The following XPNPEP1 variants were observed in gnomAD, a reference collection of about 807,000 sequenced individuals.
XPNPEP1 encodes the protein xaa-Pro aminopeptidase 1.
Under a neutral mutation model 92.4 loss-of-function variants are expected in XPNPEP1, and 39 were observed. That is an observed-to-expected ratio of 0.42 (90% CI 0.33 to 0.55). The LOEUF (loss-of-function observed/expected upper bound fraction) is 0.55. Ranked by LOEUF, XPNPEP1 falls within the 20% of genes least tolerant of loss-of-function variation. XPNPEP1 has a pLI of 0.08. For synonymous variants in XPNPEP1, 307 were observed against 299.4 expected (o/e 1.03, Z -0.26); for missense variants, 654 against 856.1 (o/e 0.76, Z 2.95).
rs1230542685 is a variant in XPNPEP1, at chr10:109,882,429, A to C, written c.1041+3T>G. 3.1e-6 allele frequency: 5 copies of C among 1,608,036 alleles called. No individual in the cohort carries two copies. Among genetic ancestry groups the C allele is most frequent in the Non-Finnish European group, 4.3e-6 (5 of 1,175,152 alleles). ...TTAGATGGGCCAAAGTGGGGTCACC[A>C]ACCTTGGGGATGGTCTCGCTCACAG... On this transcript the variant is annotated splice_donor_region_variant and intron_variant, in intron 10 of 20. Coordinates refer to ENST00000502935, the MANE Select transcript of XPNPEP1 (RefSeq NM_020383.4).
intron 3 of XPNPEP1, among the ~76,000 whole-genome samples, chr10:109,906,461 C>T (rs777708839): frequency 3.5e-4 from 54 of 152,166 alleles, no homozygotes; most frequent in Non-Finnish European, 7.1e-4. Flanking sequence ...TTCTTGAGGG[C>T]CTGCTACATT....
At chr10:109,873,320 CT>C (rs1471174682) in intron 16 of XPNPEP1, 46 bp downstream of exon 16, 2 of 1,607,820 alleles carry the variant, frequency 1.2e-6, no homozygotes, top group African/African-American at 2.7e-5. Context: ...CAATGCTCTT[CT>C]TAAGAAAGCA....
chr10:109,878,046 C>A lies in XPNPEP1; in HGVS notation c.1195G>T (p.Gly399Cys). Residue 399 changes from glycine (G) to cysteine (C), a missense_variant, in exon 13 of 21, where the codon GGT becomes TGT. Gly to Cys is a radical substitution (Grantham distance 159). Coordinates refer to ENST00000502935, the MANE Select transcript of XPNPEP1 (RefSeq NM_020383.4). ...NWLEKEVPKG[G>C]VTEISAADKA... Reference sequence around the variant, plus strand: ...TCAGCAGCTGAGATCTCTGTCACACCACCTTTGGGAACCTATGAGAAAATT... The same window carrying A: ...TCAGCAGCTGAGATCTCTGTCACACAACCTTTGGGAACCTATGAGAAAATT... The A allele has an allele frequency of 6.2e-7, 1 of 1,614,238 alleles. No homozygotes were observed. The highest frequency in any genetic ancestry group is 8.5e-7 in the Non-Finnish European group (1 of 1,180,040).
chr10:109,918,051 C>T (rs1850285805), intron 1 of XPNPEP1, among the ~76,000 whole-genome samples: 1 of 151,744 alleles, frequency 6.6e-6, no homozygotes, highest in African/African-American at 2.4e-5. Flanking sequence ...GAGGTCAAGG[C>T]TGCAGTGAGC....
intron 5 of XPNPEP1, 120 bp downstream of exon 5, chr10:109,891,602 T>C (rs868129246): frequency 2.6e-6 from 2 of 783,636 alleles, no homozygotes; most frequent in East Asian, 5.9e-5. Context: ...CAGTTTTCCT[T>C]GGATTCTCAA....
At position 109,893,254 on chromosome 10, in the gene XPNPEP1, T is replaced by G. The variant is rs1181279606; in HGVS notation, c.247-179A>C. 3 of 540,680 alleles carry G rather than the reference T, an allele frequency of 5.5e-6. No individual in the cohort carries two copies. The African/African-American group carries it at 5.7e-5, about 10-fold the overall frequency. The allele number at this position is 540,680 out of a possible 1,614,324, so 33.5% of individuals were successfully genotyped here. On this transcript the variant is annotated intron_variant, in intron 3 of 20. Transcript: ENST00000502935. Reference sequence around the variant, plus strand: ...CAGATTAGCACACACTGCAGAAGATTGAATTAATTAAGGGCAGAGAGAGCT... The same window carrying G: ...CAGATTAGCACACACTGCAGAAGATGGAATTAATTAAGGGCAGAGAGAGCT...
intron 3 of XPNPEP1, among the ~76,000 whole-genome samples, chr10:109,900,488 C>A (rs1458046835): frequency 6.6e-6 from 1 of 152,120 alleles, no homozygotes; most frequent in Non-Finnish European, 1.5e-5. Flanking sequence ...AAACAAGGAA[C>A]CCATTTCCTT....
chr10:109,873,298 T>C, intron 16 of XPNPEP1, 69 bp downstream of exon 16: 1 of 1,586,342 alleles, frequency 6.3e-7, no homozygotes, highest in African/African-American at 1.3e-5. Context: ...ATACAATCCC[T>C]TTTCATAAAA....
intron 2 of XPNPEP1, among the ~76,000 whole-genome samples, chr10:109,913,729 A>G (rs1850014544): frequency 6.6e-6 from 1 of 152,236 alleles, no homozygotes; most frequent in Non-Finnish European, 1.5e-5. Context: ...ATAGAGCCTT[A>G]AAGTGTTCTA....
chr10:109,895,342 T>C (rs1202101171), intron 3 of XPNPEP1, among the ~76,000 whole-genome samples: 2 of 152,178 alleles, frequency 1.3e-5, no homozygotes. Flanking sequence ...GCCCCACCCC[T>C]TTCTGGGCAA....
chr10:109,923,480 T>C lies in XPNPEP1; in HGVS notation c.-47A>G, dbSNP rs1016371602. 8.1e-6 allele frequency: 11 copies of C among 1,359,472 alleles called. No individual in the cohort carries two copies. The highest frequency in any genetic ancestry group is 1.0e-5 in the Non-Finnish European group (11 of 1,049,210). 84.2% of individuals were successfully genotyped at this position (1,359,472 alleles called of 1,614,324 possible). On this transcript the variant is annotated 5_prime_UTR_variant, in exon 1 of 21. Coordinates refer to ENST00000502935, the MANE Select transcript of XPNPEP1 (RefSeq NM_020383.4). Reference sequence around the variant, plus strand: ...CCACGTCAGGGGAGCGCAGACCAGCTGATCACCCGCGGAAGGGCCGGCGCG... The same window carrying C: ...CCACGTCAGGGGAGCGCAGACCAGCCGATCACCCGCGGAAGGGCCGGCGCG...
intron 9 of XPNPEP1, chr10:109,883,846 C>A: frequency 2.1e-6 from 1 of 481,258 alleles, no homozygotes; most frequent in South Asian, 3.4e-5. Flanking sequence ...ACTATAGACA[C>A]TTTCATGCGT....
chr10:109,907,910 T>C, intron 2 of XPNPEP1, 95 bp from the exon 3 acceptor site: 2 of 1,537,316 alleles, frequency 1.3e-6, no homozygotes, highest in Non-Finnish European at 1.8e-6. Flanking sequence ...GCCTTCTACG[T>C]TCTGCCCCAC....
intron 3 of XPNPEP1, among the ~76,000 whole-genome samples, chr10:109,903,520 T>C (rs1203665796): frequency 1.3e-5 from 2 of 152,178 alleles, no homozygotes; most frequent in East Asian, 3.8e-4. Flanking sequence ...CTAGGGCAAC[T>C]GTCCAATGCT....
Position 109,868,265 on chromosome 10 carries a change from T to C in XPNPEP1, c.1872+349A>G, listed in dbSNP as rs1847247891. 2.0e-5 allele frequency among the ~76,000 whole-genome samples: 3 copies of C among 152,130 alleles called. No homozygotes were observed. In the South Asian group the frequency reaches 6.2e-4, roughly 32 times the overall value. On this transcript the variant is annotated intron_variant, in intron 20 of 20. Transcript: ENST00000502935. ...AGGCCCCACCATCCATCTGGCTTTT[T>C]GTAGGGACACACATAGGCTCATATT... is the stretch of plus-strand genomic sequence containing the variant.
rs116943469 is a variant in XPNPEP1 at position 109,918,472 on chromosome 10, C to T, written c.33-3373G>A. On this transcript the variant is annotated intron_variant, in intron 1 of 20. Transcript: ENST00000502935. ...ACTTCATATCATATTCAAAAATTAACACAAATGGGCCGGGCACGGTGGCTC... is the reference window on the plus strand; with the variant it reads ...ACTTCATATCATATTCAAAAATTAATACAAATGGGCCGGGCACGGTGGCTC... Among the ~76,000 whole-genome samples the T allele has an allele frequency of 1.3e-4, 20 of 151,556 alleles. No homozygotes were observed. The East Asian group carries it at 2.9e-3, about 22-fold the overall frequency.
chr10:109,895,954 T>C (rs1253271431), intron 3 of XPNPEP1, among the ~76,000 whole-genome samples: 1 of 152,188 alleles, frequency 6.6e-6, no homozygotes, highest in Non-Finnish European at 1.5e-5. Flanking sequence ...ATCCAAACTC[T>C]GGCCCAGTCA....
At chr10:109,872,420 G>C (rs1000861960) in intron 16 of XPNPEP1, among the ~76,000 whole-genome samples, 1 of 152,236 alleles carries the variant, frequency 6.6e-6, no homozygotes, top group Non-Finnish European at 1.5e-5. Context: ...CCGGACAAGA[G>C]AAGTGCTACT....
intron 6 of XPNPEP1, 63 bp from the exon 7 acceptor site, chr10:109,888,255 G>C: frequency 6.4e-7 from 1 of 1,569,620 alleles, no homozygotes; most frequent in Non-Finnish European, 8.6e-7. Context: ...GCAGGGAGCA[G>C]GGCCTTGAAA....
Sources: allele counts gnomAD v4.1 joint callset (sites outside exome capture counted in the v4.1 genomes callset), GRCh38; gene constraint gnomAD v4.1.1; transcripts MANE v1.5; gene names NCBI Gene and HGNC (gene_info 2026-07-23, HGNC 2026-07-21).